Variants in SEPTIN6 observed in about 807,000 individuals in gnomAD.
SEPTIN6 encodes septin 6, also known as septin-6.
A neutral mutation model predicts 33.6 loss-of-function variants in SEPTIN6; 8 were observed. The ratio of observed to expected loss-of-function variants is 0.24; its 90% CI spans 0.14 to 0.43. The LOEUF (loss-of-function observed/expected upper bound fraction) is 0.43, where lower values mean the gene tolerates loss of function less well. SEPTIN6 is among the 20% of genes least tolerant of loss of function. The pLI, the probability that SEPTIN6 is intolerant of heterozygous loss-of-function variation, is 1.00. For synonymous variants in SEPTIN6, 131 were observed against 140.0 expected, an observed-to-expected ratio of 0.94 and a Z score of 0.45; for missense variants, 250 against 340.8, an observed-to-expected ratio of 0.73 and a Z score of 2.10.
intron 1 of SEPTIN6, among the ~76,000 whole-genome samples, chrX:119,680,196 TTTA>T (rs869221387): frequency 3.6e-5 from 1 of 28,030 alleles, no homozygotes; most frequent in Admixed American, 3.9e-4. Context: ...CACTCTTAAT[TTTA>T]TTTATTTATT....
At chrX:119,665,363 C>T (rs1273407904) in intron 2 of SEPTIN6, among the ~76,000 whole-genome samples, 2 of 111,788 alleles carry the variant, frequency 1.8e-5, no homozygotes, top group Non-Finnish European at 3.8e-5. Flanking sequence ...CTCGGCCTCC[C>T]GAAGTACTGG....
At chrX:119,670,901 G>A (rs549352374) in intron 2 of SEPTIN6, among the ~76,000 whole-genome samples, 4 of 103,241 alleles carry the variant, frequency 3.9e-5, no homozygotes, top group African/African-American at 7.1e-5. Flanking sequence ...TCGTGCCATC[G>A]CACTCCAGCC....
At chrX:119,625,847 G>A (rs2053849620) in intron 9 of SEPTIN6, among the ~76,000 whole-genome samples, 1 of 111,645 alleles carries the variant, frequency 9.0e-6, no homozygotes, top group Non-Finnish European at 1.9e-5. Context: ...CACCACGGCT[G>A]GCCAGTACTT....
intron 3 of SEPTIN6, among the ~76,000 whole-genome samples, chrX:119,655,357 C>A (rs2054423430): frequency 9.1e-6 from 1 of 110,218 alleles, no homozygotes; most frequent in African/African-American, 3.3e-5. Context: ...ATTCCCTCCA[C>A]CCCCAGGCCC....
At chrX:119,651,564 G>A (rs893586266) in intron 4 of SEPTIN6, among the ~76,000 whole-genome samples, 22 of 111,931 alleles carry the variant, frequency 2.0e-4, no homozygotes, top group African/African-American at 6.8e-4. Flanking sequence ...CCAGCTACTC[G>A]GGAGGCTGAG....
In SEPTIN6 at chrX:119,619,635, A is replaced by G. The variant is rs1392337442; in HGVS notation, c.*458T>C. ...GGAGGACTAGTGACTGGGATACAGG[A>G]GACCAAGGGGACAGCTGTGCTGATC... On this transcript the variant is annotated 3_prime_UTR_variant, in exon 11 of 11. Transcript: ENST00000394610. 4 of 849,745 alleles carry G rather than the reference A, an allele frequency of 4.7e-6. No homozygotes were observed. The highest frequency in any genetic ancestry group is 5.7e-6 in the Non-Finnish European group (4 of 700,527). 70.0% of individuals were successfully genotyped at this position (849,745 alleles called of 1,213,427 possible).
chrX:119,636,691 G>A, intron 7 of SEPTIN6, among the ~76,000 whole-genome samples: 1 of 111,839 alleles, frequency 8.9e-6, no homozygotes, highest in Admixed American at 9.5e-5. Flanking sequence ...CCAGCTTGGG[G>A]ATTCCCCCCA....
At chrX:119,668,833 A>C (rs1439253699) in intron 2 of SEPTIN6, among the ~76,000 whole-genome samples, 3 of 111,501 alleles carry the variant, frequency 2.7e-5, no homozygotes, top group Non-Finnish European at 5.6e-5. Flanking sequence ...GTATTTGGTT[A>C]TATGAGTAAG....
At chrX:119,682,826 T>C (rs2054986275) in intron 1 of SEPTIN6, among the ~76,000 whole-genome samples, 1 of 111,680 alleles carries the variant, frequency 9.0e-6, no homozygotes, top group Non-Finnish European at 1.9e-5. Flanking sequence ...ATGGAGAATT[T>C]CCCGCCTCTG....
intron 10 of SEPTIN6, among the ~76,000 whole-genome samples, chrX:119,620,829 C>T (rs778680975): frequency 5.0e-4 from 55 of 109,575 alleles, no homozygotes; most frequent in Non-Finnish European, 5.3e-4. Context: ...ATCATGTTGG[C>T]CAGGCTGGTC....
chrX:119,679,851 G>A (rs2054918468), intron 1 of SEPTIN6, among the ~76,000 whole-genome samples: 1 of 111,186 alleles, frequency 9.0e-6, no homozygotes, highest in Non-Finnish European at 1.9e-5. Flanking sequence ...GGGACAGAGA[G>A]AGACTCCGTC....
chrX:119,664,959 C>T (rs2054610557), intron 2 of SEPTIN6, among the ~76,000 whole-genome samples: 1 of 110,364 alleles, frequency 9.1e-6, no homozygotes, highest in Non-Finnish European at 1.9e-5. Flanking sequence ...CCCAGATGTG[C>T]CTCCCCACGG....
At chrX:119,632,924 G>A (rs764113903) in intron 8 of SEPTIN6, among the ~76,000 whole-genome samples, 1 of 112,757 alleles carries the variant, frequency 8.9e-6, no homozygotes, top group South Asian at 3.6e-4. Flanking sequence ...CACAGTGTCC[G>A]GCCCAATGTT....
At chrX:119,623,709 CAT>C (rs2053806510) in intron 10 of SEPTIN6, among the ~76,000 whole-genome samples, 1 of 111,602 alleles carries the variant, frequency 9.0e-6, no homozygotes, top group Non-Finnish European at 1.9e-5. Context: ...AATGGTGGCA[CAT>C]GCCTATAATC....
At chrX:119,687,002 G>A (rs769475235) in intron 1 of SEPTIN6, among the ~76,000 whole-genome samples, 1 of 110,749 alleles carries the variant, frequency 9.0e-6, no homozygotes, top group South Asian at 3.8e-4. Context: ...AGGAATCTGT[G>A]TCATCTGGTG....
downstream of SEPTIN6, chrX:119,616,056 C>T: frequency 5.5e-6 from 1 of 182,356 alleles, no homozygotes; most frequent in Non-Finnish European, 1.1e-5. Context: ...TCAAAGCTCT[C>T]CCTCCAGATC....
chrX:119,677,915 A>G (rs2054868828), intron 1 of SEPTIN6, among the ~76,000 whole-genome samples: 1 of 112,770 alleles, frequency 8.9e-6, no homozygotes, highest in East Asian at 2.8e-4. Flanking sequence ...GAGTTGGTGT[A>G]TTCTCTGCCC....
chrX:119,685,444 A>G (rs1366977530), intron 1 of SEPTIN6, among the ~76,000 whole-genome samples: 3 of 111,525 alleles, frequency 2.7e-5, no homozygotes, highest in Non-Finnish European at 5.7e-5. Flanking sequence ...AAGGACCTAA[A>G]AGAAATGAGG....
rs1240164755 is a variant in SEPTIN6 at position 119,640,581 on chromosome X, TGAGCAGA to T, written c.787+104_787+110del. On this transcript the variant is annotated intron_variant, in intron 6 of 10. Coordinates refer to ENST00000394610, the MANE Select transcript of SEPTIN6 (RefSeq NM_145799.4). ...ATGGCTATTTGGGACCCATGCCGAA[TGAGCAGA>T]GACTTGGGACAATTTAGAAACTTGT... 8.3e-6 allele frequency: 5 copies of T among 604,264 alleles called. No individual in the cohort carries two copies. In the African/African-American group the frequency reaches 1.1e-4, roughly 14 times the overall value. 49.8% of individuals were successfully genotyped at this position (604,264 alleles called of 1,213,427 possible). A position where few individuals can be genotyped will look rare whatever the true frequency, so the allele number is the denominator to read the frequency against.
Sources: allele counts gnomAD v4.1 joint callset (sites outside exome capture counted in the v4.1 genomes callset), GRCh38; gene constraint gnomAD v4.1.1; transcripts MANE v1.5; gene names NCBI Gene and HGNC (gene_info 2026-07-23, HGNC 2026-07-21).